ELOVL6: variants seen among roughly 807,000 people sequenced by gnomAD.
ELOVL6 encodes very long chain fatty acid elongase 6.
ELOVL6 carries 8 observed loss-of-function variants against 31.7 expected under a neutral mutation model. The observed-to-expected ratio is 0.25, with a 90% CI of 0.15 to 0.45. ELOVL6 has a LOEUF of 0.45. Ranked by LOEUF, ELOVL6 falls within the 20% of genes least tolerant of loss-of-function variation. ELOVL6 has a pLI of 1.00. For synonymous variants in ELOVL6, 101 were observed against 117.7 expected, an observed-to-expected ratio of 0.86 and a Z score of 0.92; for missense variants, 126 against 326.4, an observed-to-expected ratio of 0.39 and a Z score of 4.73.
At chr4:110,164,893 C>CAGT (rs750440081) in intron 1 of ELOVL6, among the ~76,000 whole-genome samples, 3 of 151,886 alleles carry the variant, frequency 2.0e-5, no homozygotes, top group Non-Finnish European at 2.9e-5. Flanking sequence ...GGTTGGAGTG[C>CAGT]AGTAGCACAA....
chr4:110,177,889 C>G (rs1012198073), intron 1 of ELOVL6, among the ~76,000 whole-genome samples: 5 of 152,054 alleles, frequency 3.3e-5, no homozygotes, highest in Non-Finnish European at 7.4e-5. Context: ...GAGTATTACC[C>G]AAAAATGACA....
intron 1 of ELOVL6, among the ~76,000 whole-genome samples, chr4:110,175,212 GTC>G (rs1443328203): frequency 6.6e-6 from 1 of 151,916 alleles, no homozygotes; most frequent in Non-Finnish European, 1.5e-5. Context: ...GCGAAACACT[GTC>G]TCTACAAAAA....
Position 110,094,438 on chromosome 4 carries a change from T to TATATATATATATAA in ELOVL6, c.221+11058_221+11059insTTATATATATATAT, listed in dbSNP as rs1383825931. 2.6e-3 allele frequency among the ~76,000 whole-genome samples: 143 copies of TATATATATATATAA among 55,286 alleles called. 3 individuals carry two copies. Among genetic ancestry groups the TATATATATATATAA allele is most frequent in the South Asian group, 5.1e-3 (7 of 1,380 alleles). The allele number at this position is 55,286 out of a possible 152,430, so 36.3% of individuals were successfully genotyped here. On this transcript the variant is annotated intron_variant, in intron 2 of 3. Transcript: ENST00000302274. ...ATATATATATATATATATATATATA[T>TATATATATATATAA]ATATAATATATATAACATAATATAT...
intron 2 of ELOVL6, among the ~76,000 whole-genome samples, chr4:110,066,575 C>G (rs1304938813): frequency 2.8e-5 from 4 of 144,684 alleles, no homozygotes; most frequent in African/African-American, 7.9e-5. Context: ...GGAGGGGGAG[C>G]CTGCAGTAAG....
At chr4:110,177,350 T>A (rs1403630107) in intron 1 of ELOVL6, among the ~76,000 whole-genome samples, 1 of 152,048 alleles carries the variant, frequency 6.6e-6, no homozygotes, top group South Asian at 2.1e-4. Context: ...GATAGGAGGA[T>A]CATTTAAGCC....
At chr4:110,140,818 A>G (rs1757931108) in intron 1 of ELOVL6, among the ~76,000 whole-genome samples, 7 of 151,670 alleles carry the variant, frequency 4.6e-5, no homozygotes, top group Admixed American at 4.6e-4. Context: ...CTAAAAGTTT[A>G]GCAAAATCTA....
Position 110,059,730 on chromosome 4 carries a change from A to G in ELOVL6, c.246T>C (p.Gly82=). Residue 82 remains glycine (G), a synonymous_variant, in exon 3 of 4, where the codon GGT becomes GGC. Transcript: ENST00000302274. The part of the protein sequence containing the change: ...VFSIFGALRT[G]AYMVYILMTK... ...TCATCAAAATGTACACCATATAAGC[A>G]CCAGTTCGAAGAGCACCGAATATAC... is the stretch of plus-strand genomic sequence containing the variant. 1 of 1,613,730 alleles carries G rather than the reference A, an allele frequency of 6.2e-7. No individual in the cohort carries two copies. Among genetic ancestry groups the G allele is most frequent in the Non-Finnish European group, 8.5e-7 (1 of 1,179,834 alleles).
chr4:110,142,036 C>T (rs116353365), intron 1 of ELOVL6, among the ~76,000 whole-genome samples: 4 of 147,506 alleles, frequency 2.7e-5, no homozygotes, highest in Non-Finnish European at 4.5e-5. Flanking sequence ...GTCCAAGGAA[C>T]TTCATCCTTG....
In ELOVL6 at chr4:110,093,539, A is replaced by AT. The variant is rs1277126378; in HGVS notation, c.221+11957dup. 2.6e-5 allele frequency among the ~76,000 whole-genome samples: 4 copies of AT among 152,150 alleles called. No homozygotes were observed. The East Asian group carries it at 7.7e-4, about 29-fold the overall frequency. ...ATATTTGCATATATCACTCACTGTT[A>AT]TTTTCTTGGAAATAGGTGAAATTCC... is the stretch of plus-strand genomic sequence containing the variant. On this transcript the variant is annotated intron_variant, in intron 2 of 3. Coordinates refer to ENST00000302274, the MANE Select transcript of ELOVL6 (RefSeq NM_024090.3).
In ELOVL6 at chr4:110,051,536, C is replaced by G. The variant is rs1319922568; in HGVS notation, c.600G>C (p.Leu200Phe). The G allele has an allele frequency of 1.9e-6, 3 of 1,614,188 alleles. No individual in the cohort carries two copies. The highest frequency in any genetic ancestry group is 2.5e-6 in the Non-Finnish European group (3 of 1,180,036). ...VSRKFAMFIT[L>F]SQITQMLMGC... Reference sequence around the variant, plus strand: ...CCATCAGCATCTGAGTGATCTGGGACAAGGTGATGAACATGGCAAACTTCC... The same window carrying G: ...CCATCAGCATCTGAGTGATCTGGGAGAAGGTGATGAACATGGCAAACTTCC... Residue 200 changes from leucine (L) to phenylalanine (F), a missense_variant, in exon 4 of 4, where the codon TTG becomes TTC. This residue lies in a region of ELOVL6 where 57 missense variants were observed against 110.2 expected (regional missense o/e 0.52). Transcript: ENST00000302274. This position sits in a 1 kb window ranked among gnomAD's most constrained non-coding sequence, Gnocchi z 4.8.
At chr4:110,056,535 T>A (rs1219171289) in intron 3 of ELOVL6, among the ~76,000 whole-genome samples, 2 of 151,144 alleles carry the variant, frequency 1.3e-5, no homozygotes, top group Admixed American at 6.6e-5. Flanking sequence ...TATTTTAAAA[T>A]GTTAAAAAAA....
At chr4:110,084,043 C>CATATATGTGATATATATGATATATATA (rs1395093073) in intron 2 of ELOVL6, among the ~76,000 whole-genome samples, 2 of 25,590 alleles carry the variant, frequency 7.8e-5, no homozygotes, top group Admixed American at 4.6e-4. Flanking sequence ...TGGTATATAA[C>CATATATGTGATATATATGATATATATA]ACATGCTATA....
chr4:110,166,579 C>T (rs910429354), intron 1 of ELOVL6, among the ~76,000 whole-genome samples: 5 of 152,186 alleles, frequency 3.3e-5, no homozygotes, highest in Non-Finnish European at 7.3e-5. Context: ...CGCCACTGCA[C>T]TCCAGCCTGG....
intron 1 of ELOVL6, among the ~76,000 whole-genome samples, chr4:110,110,372 C>T (rs541219953): frequency 4.0e-5 from 3 of 75,660 alleles, no homozygotes; most frequent in East Asian, 6.3e-4. Context: ...ATTTTTTTTA[C>T]GTTAAAAAAA....
chr4:110,053,024 C>A (rs1448705425), intron 3 of ELOVL6, among the ~76,000 whole-genome samples: 2 of 152,192 alleles, frequency 1.3e-5, no homozygotes, highest in African/African-American at 2.4e-5. Context: ...AACTTGATCT[C>A]CTGGGCTCAA....
chr4:110,153,322 T>A (rs1758332781), intron 1 of ELOVL6, among the ~76,000 whole-genome samples: 1 of 152,202 alleles, frequency 6.6e-6, no homozygotes, highest in Non-Finnish European at 1.5e-5. Context: ...TAATTTAATT[T>A]TTTGCTCAAA....
intron 2 of ELOVL6, among the ~76,000 whole-genome samples, chr4:110,081,575 C>T (rs1226958374): frequency 4.6e-5 from 7 of 151,370 alleles, no homozygotes; most frequent in Non-Finnish European, 8.8e-5. Flanking sequence ...TTCCTTACAC[C>T]TTATACAAAA....
intron 1 of ELOVL6, among the ~76,000 whole-genome samples, chr4:110,172,005 A>G (rs566839661): frequency 6.6e-6 from 1 of 152,224 alleles, no homozygotes; most frequent in Admixed American, 6.5e-5. Context: ...CATCCTTTAT[A>G]ATAAACTAAT....
intron 1 of ELOVL6, among the ~76,000 whole-genome samples, chr4:110,167,383 CT>C (rs1175355490): frequency 6.6e-6 from 1 of 152,122 alleles, no homozygotes; most frequent in Non-Finnish European, 1.5e-5. Context: ...ATTATACATG[CT>C]GTTTCATAAG....
Sources: allele counts gnomAD v4.1 joint callset (sites outside exome capture counted in the v4.1 genomes callset), GRCh38; gene constraint gnomAD v4.1.1; regional missense constraint gnomAD v4.1.1; non-coding constraint Gnocchi (gnomAD v3.1); transcripts MANE v1.5; gene names NCBI Gene and HGNC (gene_info 2026-07-23, HGNC 2026-07-21).